ACSM5: variants seen among roughly 807,000 people sequenced by gnomAD.
ACSM5 encodes acyl-CoA synthetase medium chain family member 5.
ACSM5 carries 56 observed loss-of-function variants against 71.6 expected under a neutral mutation model. The observed-to-expected ratio is 0.78, with a 90% CI of 0.63 to 0.98. The LOEUF is 0.98. ACSM5 is among the 50% of genes least tolerant of loss of function. The pLI, the probability that ACSM5 is intolerant of heterozygous loss-of-function variation, is 0.00. For missense variants in ACSM5, 723 were observed against 726.0 expected, an observed-to-expected ratio of 1.00 and a Z score of 0.05; for synonymous variants, 285 against 281.5, an observed-to-expected ratio of 1.01 and a Z score of -0.12.
intron 12 of ACSM5, among the ~76,000 whole-genome samples, chr16:20,438,496 G>A (rs1014606428): frequency 2.0e-5 from 3 of 151,456 alleles, no homozygotes; most frequent in Admixed American, 1.3e-4. Flanking sequence ...AGCCATTAAT[G>A]TATAATAAGG....
chr16:20,425,399 G>A (rs111509991), intron 6 of ACSM5, among the ~76,000 whole-genome samples: 6,727 of 151,996 alleles, frequency 0.044, 161 homozygotes, highest in South Asian at 0.061. Flanking sequence ...GGACACTTAG[G>A]TTGCTTCAAA....
intron 12 of ACSM5, among the ~76,000 whole-genome samples, chr16:20,439,403 C>A (rs935862041): frequency 6.6e-6 from 1 of 150,842 alleles, no homozygotes; most frequent in African/African-American, 2.4e-5. Flanking sequence ...TTTCCTCAAT[C>A]CCACCTGTTC....
At chr16:20,412,503 T>C (rs1178652050) in intron 2 of ACSM5, among the ~76,000 whole-genome samples, 2 of 152,268 alleles carry the variant, frequency 1.3e-5, no homozygotes, top group African/African-American at 4.8e-5. Flanking sequence ...CTTTCTTCTT[T>C]ATTTTCCCTT....
At chr16:20,409,903 T>TGAGGGGCGGGAGAGGG (rs1966844258) in intron 1 of ACSM5, among the ~76,000 whole-genome samples, 2 of 13,162 alleles carry the variant, frequency 1.5e-4, no homozygotes, top group African/African-American at 5.2e-4. Context: ...GCGGGAGAGG[T>TGAGGGGCGGGAGAGGG]GAGGGGCGGG....
intron 3 of ACSM5, among the ~76,000 whole-genome samples, chr16:20,419,020 C>G (rs1296271780): frequency 6.6e-6 from 1 of 152,128 alleles, no homozygotes; most frequent in Non-Finnish European, 1.5e-5. Flanking sequence ...CCACAGTGAG[C>G]CTAGCAAGCC....
intron 2 of ACSM5, 154 bp downstream of exon 2, chr16:20,411,842 A>G (rs1384045965): frequency 5.3e-6 from 4 of 758,464 alleles, no homozygotes; most frequent in Non-Finnish European, 8.5e-6. Context: ...TTTGAGACTT[A>G]GGAAAAAATT....
At position 20,411,859 on chromosome 16, in the gene ACSM5, C is replaced by T; in HGVS notation, c.204+171C>T. 6 of 672,132 alleles carry T rather than the reference C, an allele frequency of 8.9e-6. No homozygotes were observed. In the South Asian group the frequency reaches 1.1e-4, roughly 13 times the overall value. The allele number at this position is 672,132 out of a possible 1,614,324, so 41.6% of individuals were successfully genotyped here. ...TGAGACTTAGGAAAAAATTCTGAGT[C>T]AGTGTTGTGAGCCTTAGACATGCTT... On this transcript the variant is annotated intron_variant, in intron 2 of 13. Coordinates refer to ENST00000331849, the MANE Select transcript of ACSM5 (RefSeq NM_017888.3).
Position 20,436,563 on chromosome 16 carries a change from T to G in ACSM5, c.1309-489T>G, listed in dbSNP as rs371959928. Among the ~76,000 whole-genome samples the G allele has an allele frequency of 7.2e-3, 1,097 of 151,928 alleles. 13 individuals carry two copies. Among genetic ancestry groups the G allele is most frequent in the Non-Finnish European group, 0.011 (714 of 67,914 alleles). On this transcript the variant is annotated intron_variant, in intron 10 of 13. Coordinates refer to ENST00000331849, the MANE Select transcript of ACSM5 (RefSeq NM_017888.3). Reference sequence around the variant, plus strand: ...TTTTTTTGTCTTTAGTAGAGACAGGTTTTCACTATGTTGGCCAGCTGGTCT... The same window carrying G: ...TTTTTTTGTCTTTAGTAGAGACAGGGTTTCACTATGTTGGCCAGCTGGTCT...
intron 7 of ACSM5, among the ~76,000 whole-genome samples, chr16:20,428,925 T>C (rs1355127887): frequency 3.3e-5 from 5 of 152,216 alleles, no homozygotes; most frequent in African/African-American, 9.6e-5. Flanking sequence ...TTAATATCTG[T>C]AGGAATTTTT....
intron 10 of ACSM5, among the ~76,000 whole-genome samples, chr16:20,436,009 CTTTTTTCTTCAT>C (rs1967186776): frequency 2.3e-5 from 3 of 129,560 alleles, no homozygotes. Flanking sequence ...CTCTTTCTTT[CTTTTTTCTTCAT>C]TCTTTCTTTC....
chr16:20,433,454 T>C (rs1967139267), intron 10 of ACSM5, among the ~76,000 whole-genome samples: 1 of 152,216 alleles, frequency 6.6e-6, no homozygotes, highest in Non-Finnish European at 1.5e-5. Flanking sequence ...ATATTTGTTA[T>C]AGTGCTGGCT....
At chr16:20,417,200 A>T (rs1048660354) in intron 2 of ACSM5, among the ~76,000 whole-genome samples, 1 of 152,190 alleles carries the variant, frequency 6.6e-6, no homozygotes, top group Non-Finnish European at 1.5e-5. Flanking sequence ...TGTACTCCTA[A>T]GTAGATATCC....
intron 2 of ACSM5, among the ~76,000 whole-genome samples, chr16:20,416,185 A>G (rs1034309801): frequency 6.6e-6 from 1 of 152,050 alleles, no homozygotes; most frequent in Non-Finnish European, 1.5e-5. Context: ...TTTAATGCAA[A>G]CTTTATCAAA....
chr16:20,424,141 C>T (rs1966932347), intron 6 of ACSM5, 72 bp downstream of exon 6: 1 of 1,554,182 alleles, frequency 6.4e-7, no homozygotes, highest in South Asian at 1.2e-5. Context: ...AGATTTCAGA[C>T]TGCAGGAGAA....
intron 2 of ACSM5, among the ~76,000 whole-genome samples, chr16:20,417,383 T>C (rs1966858882): frequency 6.6e-6 from 1 of 152,250 alleles, no homozygotes; most frequent in South Asian, 2.1e-4. Context: ...CAAAATAATG[T>C]AATGCCAATT....
intron 10 of ACSM5, among the ~76,000 whole-genome samples, chr16:20,431,792 A>G (rs568509589): frequency 6.6e-6 from 1 of 152,066 alleles, no homozygotes; most frequent in Non-Finnish European, 1.5e-5. Flanking sequence ...TTCTACCAAA[A>G]ATACAAAAAT....
At position 20,417,980 on chromosome 16, in the gene ACSM5, T is replaced by C. The variant is rs1055364996; in HGVS notation, c.205-79T>C. On this transcript the variant is annotated intron_variant, in intron 2 of 13. Transcript: ENST00000331849. ...CCTGTGAATTTTATATTAACTATTA[T>C]AAAACATTAAACAGCAACAAGCAAA... 8 of 1,351,126 alleles carry C rather than the reference T, an allele frequency of 5.9e-6. No homozygotes were observed. The African/African-American group carries it at 1.2e-4, about 20-fold the overall frequency. 83.7% of individuals were successfully genotyped at this position (1,351,126 alleles called of 1,614,324 possible). A position where few individuals can be genotyped will look rare whatever the true frequency, so the allele number is the denominator to read the frequency against.
In ACSM5 at chr16:20,429,693, C is replaced by G; in HGVS notation, c.1017C>G (p.Ser339Arg). Residue 339 changes from serine to arginine, a missense_variant, in exon 8 of 14, where the codon AGC becomes AGG. By Grantham distance (110) the Ser-to-Arg change is moderately radical (BLOSUM62 -1). Transcript: ENST00000331849. Reference protein sequence around the residue: ...QEDLTRYQFQSLRHCLTGGEA... With the variant: ...QEDLTRYQFQRLRHCLTGGEA... Reference sequence around the variant, plus strand: ...TCTGAGAAAGGTACCAGTTTCAGAGCCTGAGGCACTGTCTGACCGGAGGAG... The same window carrying G: ...TCTGAGAAAGGTACCAGTTTCAGAGGCTGAGGCACTGTCTGACCGGAGGAG... 6.2e-7 allele frequency: 1 copy of G among 1,613,688 alleles called. No individual in the cohort carries two copies. Among genetic ancestry groups the G allele is most frequent in the Non-Finnish European group, 8.5e-7 (1 of 1,179,716 alleles).
rs187146976 is a variant in ACSM5 at position 20,429,952 on chromosome 16, T to G, written c.1125+151T>G. The stretch of plus-strand genomic sequence containing the variant: ...AATTCCATCAGCTTTCCTTCCCTTT[T>G]GATTTCCATATGTTCTCACTTATAA... On this transcript the variant is annotated intron_variant, in intron 8 of 13. Transcript: ENST00000331849. 9.9e-3 allele frequency: 8,938 copies of G among 900,870 alleles called. 65 individuals carry two copies. The highest frequency in any genetic ancestry group is 0.013 in the Non-Finnish European group (7,967 of 613,436). 55.8% of individuals were successfully genotyped at this position (900,870 alleles called of 1,614,324 possible).
Sources: gnomAD v4.1 joint callset for allele counts (sites outside exome capture counted in the v4.1 genomes callset) on GRCh38, gnomAD v4.1.1 for gene constraint, MANE v1.5 for transcripts, NCBI Gene and HGNC (gene_info 2026-07-23, HGNC 2026-07-21) for gene names.